PTPN13: variants seen among roughly 807,000 people sequenced by gnomAD.
PTPN13 encodes the protein protein tyrosine phosphatase non-receptor type 13, also known as tyrosine-protein phosphatase non-receptor type 13.
A neutral mutation model predicts 284.0 loss-of-function variants in PTPN13; 191 were observed. The observed-to-expected ratio is 0.67, with a 90% CI of 0.60 to 0.76. PTPN13 has a LOEUF of 0.76. PTPN13 is among the 30% of genes least tolerant of loss of function. The pLI is 0.00. For missense variants in PTPN13, 2,797 were observed against 2,939.9 expected (o/e 0.95, Z 1.12); for synonymous variants, 986 against 1,022.3 (o/e 0.96, Z 0.68).
chr4:86,600,775 T>G (rs1249392767), intron 1 of PTPN13, among the ~76,000 whole-genome samples: 1 of 152,126 alleles, frequency 6.6e-6, no homozygotes, highest in African/African-American at 2.4e-5. Flanking sequence ...AAAAGTGTAA[T>G]TTTAAAAATA....
At chr4:86,811,828 G>A (rs1745244163) in intron 47 of PTPN13, among the ~76,000 whole-genome samples, 1 of 152,100 alleles carries the variant, frequency 6.6e-6, no homozygotes, top group African/African-American at 2.4e-5. Context: ...TTAAAAATTA[G>A]CATTTGCCTA....
At chr4:86,612,001 A>T (rs1394424836) in intron 1 of PTPN13, among the ~76,000 whole-genome samples, 1 of 152,248 alleles carries the variant, frequency 6.6e-6, no homozygotes, top group Non-Finnish European at 1.5e-5. Flanking sequence ...CTCAAGATGT[A>T]TGAAGCACTG....
intron 17 of PTPN13, among the ~76,000 whole-genome samples, chr4:86,746,390 T>C (rs577942457): frequency 6.6e-6 from 1 of 152,326 alleles, no homozygotes; most frequent in Admixed American, 6.5e-5. Context: ...CAGGGTCCTA[T>C]GAATTCTTTA....
rs1735303684 is a variant in PTPN13 at position 86,734,726 on chromosome 4, T to G, written c.2013-11T>G. 6.2e-7 allele frequency: 1 copy of G among 1,603,432 alleles called. No homozygotes were observed. The highest frequency in any genetic ancestry group is 8.5e-7 in the Non-Finnish European group (1 of 1,172,344). The stretch of plus-strand genomic sequence containing the variant: ...AAAGGCCAAGATGTCTGTGTGTGTT[T>G]GTTTTTTCAGACATACTCTGACGTG... On this transcript the variant is annotated splice_polypyrimidine_tract_variant and intron_variant, in intron 13 of 47. Transcript: ENST00000411767.
In PTPN13 at chr4:86,814,785, G is replaced by A. The variant is rs1263034151; in HGVS notation, c.*234G>A. The A allele has an allele frequency of 2.6e-6, 1 of 385,744 alleles. No homozygotes were observed. The highest frequency in any genetic ancestry group is 4.2e-5 in the East Asian group (1 of 23,942). The allele number at this position is 385,744 out of a possible 1,614,324, so 23.9% of individuals were successfully genotyped here. A position where few individuals can be genotyped will look rare whatever the true frequency, so the allele number is the denominator to read the frequency against. Reference sequence around the variant, plus strand: ...ATTTTAACACTAACCAAACAATGCAGATCTTAGGGATGATTAAAGGCAGCA... The same window carrying A: ...ATTTTAACACTAACCAAACAATGCAAATCTTAGGGATGATTAAAGGCAGCA... On this transcript the variant is annotated 3_prime_UTR_variant, in exon 48 of 48. Coordinates refer to ENST00000411767, the MANE Select transcript of PTPN13 (RefSeq NM_080683.3).
chr4:86,785,870 G>A lies in PTPN13; in HGVS notation c.6279G>A (p.Lys2093=). The change falls in exon 40 of 48, where the codon AAG becomes AAA. Residue 2093 remains lysine (K), a synonymous_variant. Transcript: ENST00000411767. ...CGPGTLKMNG[K]LSEERTEDTD... The stretch of plus-strand genomic sequence containing the variant: ...CAGGTACATTAAAGATGAATGGGAA[G>A]TTATCAGAAGAGAGAACAGAAGATA... 6.4e-7 allele frequency: 1 copy of A among 1,565,200 alleles called. No homozygotes were observed. The highest frequency in any genetic ancestry group is 8.7e-7 in the Non-Finnish European group (1 of 1,152,474).
rs929528914 is a variant in PTPN13, at chr4:86,688,871, A to G, written c.361-134A>G. On this transcript the variant is annotated intron_variant, in intron 4 of 47. Coordinates refer to ENST00000411767, the MANE Select transcript of PTPN13 (RefSeq NM_080683.3). ...AACACAGTAAAATGCTTATGCTGAT[A>G]AAAAGGAATTTATTTCCTCCAAGTA... The G allele has an allele frequency of 1.3e-5, 8 of 612,678 alleles. No homozygotes were observed. The Admixed American group carries it at 2.5e-4, about 20-fold the overall frequency. The allele number at this position is 612,678 out of a possible 1,614,324, so 38.0% of individuals were successfully genotyped here. A position where few individuals can be genotyped will look rare whatever the true frequency, so the allele number is the denominator to read the frequency against.
intron 10 of PTPN13, among the ~76,000 whole-genome samples, chr4:86,727,019 T>G (rs1734347088): frequency 6.7e-6 from 1 of 149,672 alleles, no homozygotes; most frequent in Admixed American, 6.7e-5. Flanking sequence ...GTTTTTAGCA[T>G]GAAGGGCTGT....
intron 2 of PTPN13, among the ~76,000 whole-genome samples, chr4:86,667,120 T>G (rs139622380): frequency 1.3e-3 from 191 of 152,340 alleles, no homozygotes; most frequent in African/African-American, 4.4e-3. Flanking sequence ...TAAACTCCTA[T>G]ATCAGTATCT....
chr4:86,619,867 A>C (rs986260397), intron 1 of PTPN13, among the ~76,000 whole-genome samples: 1 of 151,926 alleles, frequency 6.6e-6, no homozygotes, highest in East Asian at 1.9e-4. Context: ...CCTTTTTAAC[A>C]AATAGAGACA....
intron 2 of PTPN13, among the ~76,000 whole-genome samples, chr4:86,639,645 C>A (rs1723518710): frequency 7.4e-6 from 1 of 135,596 alleles, no homozygotes; most frequent in Non-Finnish European, 1.5e-5. Flanking sequence ...CACATGGACA[C>A]AGGAAGGGAA....
chr4:86,636,967 A>G (rs570830210), intron 2 of PTPN13, among the ~76,000 whole-genome samples: 42 of 151,572 alleles, frequency 2.8e-4, no homozygotes, highest in Middle Eastern at 6.8e-3. Flanking sequence ...GAAGAATCAA[A>G]TAGACGCAAT....
intron 2 of PTPN13, among the ~76,000 whole-genome samples, chr4:86,649,056 G>A (rs112999136): frequency 0.15 from 23,540 of 151,910 alleles, 2,326 homozygotes; most frequent in East Asian, 0.29. Context: ...TCCTTTGCCC[G>A]CTTTTTAATG....
intron 7 of PTPN13, among the ~76,000 whole-genome samples, chr4:86,708,383 G>A (rs925933007): frequency 2.0e-5 from 3 of 151,744 alleles, no homozygotes; most frequent in South Asian, 2.1e-4. Flanking sequence ...CTCTTCTTTC[G>A]GTTTATCCAA....
chr4:86,780,548 G>C (rs1741185423), intron 36 of PTPN13, 76 bp downstream of exon 36: 1 of 972,936 alleles, frequency 1.0e-6, no homozygotes, highest in Admixed American at 2.0e-5. Context: ...TTGGAAAACA[G>C]GTTGACAATT....
At chr4:86,784,890 T>C (rs1340764276) in intron 38 of PTPN13, among the ~76,000 whole-genome samples, 1 of 152,160 alleles carries the variant, frequency 6.6e-6, no homozygotes, top group African/African-American at 2.4e-5. Context: ...TTAATCATTG[T>C]AACATAACTT....
At chr4:86,757,911 T>A (rs1325021011) in intron 20 of PTPN13, among the ~76,000 whole-genome samples, 1 of 152,184 alleles carries the variant, frequency 6.6e-6, no homozygotes, top group Admixed American at 6.5e-5. Flanking sequence ...GAGTTGATTA[T>A]GGTGTAACAA....
intron 40 of PTPN13, among the ~76,000 whole-genome samples, chr4:86,789,682 A>G (rs950317136): frequency 6.6e-6 from 1 of 152,122 alleles, no homozygotes; most frequent in Non-Finnish European, 1.5e-5. Flanking sequence ...AATCTTAAAT[A>G]TATTCAGTGA....
At chr4:86,798,826 G>A (rs1045075644) in intron 41 of PTPN13, among the ~76,000 whole-genome samples, 4 of 152,212 alleles carry the variant, frequency 2.6e-5, no homozygotes, top group African/African-American at 9.6e-5. Context: ...TTGAAGGATA[G>A]AAATAAAACC....
Sources: gnomAD v4.1 joint callset for allele counts (sites outside exome capture counted in the v4.1 genomes callset) on GRCh38, gnomAD v4.1.1 for gene constraint, MANE v1.5 for transcripts, NCBI Gene and HGNC (gene_info 2026-07-23, HGNC 2026-07-21) for gene names.